Variants in NFATC3 observed in about 807,000 individuals in gnomAD.
NFATC3 encodes the protein nuclear factor of activated T-cells, cytoplasmic 3.
Under a neutral mutation model 98.6 loss-of-function variants are expected in NFATC3, and 46 were observed. That is an observed-to-expected ratio of 0.47 (90% confidence interval 0.37 to 0.60). The LOEUF (loss-of-function observed/expected upper bound fraction) is 0.60. Ranked by LOEUF, NFATC3 falls within the 20% of genes least tolerant of loss-of-function variation. NFATC3 has a pLI of 0.00. For synonymous variants in NFATC3, 512 were observed against 472.2 expected, an observed-to-expected ratio of 1.08 and a Z score of -1.09; for missense variants, 1,256 against 1,295.5, an observed-to-expected ratio of 0.97 and a Z score of 0.47.
chr16:68,145,027 A>G (rs959419441), intron 3 of NFATC3, among the ~76,000 whole-genome samples: 10 of 151,988 alleles, frequency 6.6e-5, no homozygotes, highest in Admixed American at 5.9e-4. Flanking sequence ...AGGCTGGTCT[A>G]CAACTCCTAG....
At chr16:68,097,253 T>G (rs1020000282) in intron 1 of NFATC3, among the ~76,000 whole-genome samples, 6 of 152,236 alleles carry the variant, frequency 3.9e-5, no homozygotes, top group Non-Finnish European at 7.3e-5. Flanking sequence ...GAAATAGTGG[T>G]GAACAAGACA....
chr16:68,149,717 T>TA (rs1408339171), intron 3 of NFATC3, among the ~76,000 whole-genome samples: 2 of 152,218 alleles, frequency 1.3e-5, no homozygotes, highest in Non-Finnish European at 2.9e-5. Context: ...GAATTGGTGA[T>TA]AAATGGAAAA....
rs138670187 is a variant in NFATC3 at position 68,110,236 on chromosome 16, C to A, written c.104-11751C>A. 5.5e-3 allele frequency among the ~76,000 whole-genome samples: 837 copies of A among 151,732 alleles called. 13 individuals carry two copies. Among genetic ancestry groups the A allele is most frequent in the African/African-American group, 0.019 (797 of 41,336 alleles). On this transcript the variant is annotated intron_variant, in intron 1 of 9. Coordinates refer to ENST00000346183, the MANE Select transcript of NFATC3 (RefSeq NM_173165.3). Reference sequence around the variant, plus strand: ...GCCAGGCTGGTCTTGAGCTCCTGACCTCAAGTGATCTGCCTGCCTTGGCCT... The same window carrying A: ...GCCAGGCTGGTCTTGAGCTCCTGACATCAAGTGATCTGCCTGCCTTGGCCT...
chr16:68,194,389 C>T (rs982200264), intron 9 of NFATC3, among the ~76,000 whole-genome samples: 24 of 152,224 alleles, frequency 1.6e-4, no homozygotes, highest in African/African-American at 5.5e-4. Flanking sequence ...TACTTGAGCA[C>T]TCTGGTATTT....
At chr16:68,164,664 G>T (rs1238413489) in intron 4 of NFATC3, among the ~76,000 whole-genome samples, 3 of 152,076 alleles carry the variant, frequency 2.0e-5, no homozygotes, top group African/African-American at 2.4e-5. Flanking sequence ...CGGATCACGA[G>T]ATCAGGAGAT....
rs1175887459 is a variant in NFATC3 at position 68,111,246 on chromosome 16, T to C, written c.104-10741T>C. ...GGTGTTAAGTCTCCCACTATTGTTG[T>C]GTGGGAGTCTAAGTCTCTTTGTAGG... On this transcript the variant is annotated intron_variant, in intron 1 of 9. Transcript: ENST00000346183. Among the ~76,000 whole-genome samples, 6 of 152,236 alleles carry C rather than the reference T, an allele frequency of 3.9e-5. No homozygotes were observed. In the East Asian group the frequency reaches 1.2e-3, roughly 29 times the overall value.
chr16:68,200,316 G>A (rs2040860590), intron 9 of NFATC3: 1 of 152,036 alleles, frequency 6.6e-6, no homozygotes, highest in African/African-American at 2.4e-5. Context: ...AGTATGGCCT[G>A]AGGTCAGGGG....
chr16:68,134,333 T>C (rs183215347), intron 3 of NFATC3, among the ~76,000 whole-genome samples: 2 of 152,230 alleles, frequency 1.3e-5, no homozygotes, highest in East Asian at 3.9e-4. Context: ...GGCTAATTTT[T>C]TAAATCTTTC....
intron 5 of NFATC3, among the ~76,000 whole-genome samples, chr16:68,170,584 C>A (rs943639841): frequency 6.6e-6 from 1 of 150,920 alleles, no homozygotes; most frequent in East Asian, 2.0e-4. Flanking sequence ...CCCCTGCCTC[C>A]CAGGTTCAAG....
chr16:68,162,434 G>C (rs528837333), intron 4 of NFATC3, among the ~76,000 whole-genome samples: 11 of 152,068 alleles, frequency 7.2e-5, no homozygotes, highest in Non-Finnish European at 1.6e-4. Context: ...TGATAGATAA[G>C]ACCATGGTTC....
At position 68,202,947 on chromosome 16, in the gene NFATC3, C is replaced by T. The variant is rs1477517149; in HGVS notation, c.3106+11172C>T. 2.6e-5 allele frequency among the ~76,000 whole-genome samples: 4 copies of T among 152,160 alleles called. No homozygotes were observed. The East Asian group carries it at 7.7e-4, about 29-fold the overall frequency. On this transcript the variant is annotated intron_variant, in intron 9 of 9. Coordinates refer to ENST00000346183, the MANE Select transcript of NFATC3 (RefSeq NM_173165.3). ...CTGGAGTGGAGGGAGGTAGATAATGCTGAAATTTCTCTTTTAACTTGGACA... is the reference window on the plus strand; with the variant it reads ...CTGGAGTGGAGGGAGGTAGATAATGTTGAAATTTCTCTTTTAACTTGGACA...
At chr16:68,153,656 C>T (rs2038459246) in intron 3 of NFATC3, among the ~76,000 whole-genome samples, 1 of 152,100 alleles carries the variant, frequency 6.6e-6, no homozygotes, top group African/African-American at 2.4e-5. Context: ...CTCTGTCGCC[C>T]AAGCTGGAGT....
chr16:68,190,609 G>A (rs1217511883), intron 8 of NFATC3, among the ~76,000 whole-genome samples, 159 bp from the exon 9 acceptor site: 2 of 151,976 alleles, frequency 1.3e-5, no homozygotes, highest in African/African-American at 2.4e-5. Context: ...ATGTCTACAC[G>A]TACACACAGA....
At chr16:68,219,435 GC>G (rs1449951696) in intron 9 of NFATC3, among the ~76,000 whole-genome samples, 4 of 152,062 alleles carry the variant, frequency 2.6e-5, no homozygotes, top group African/African-American at 9.7e-5. Flanking sequence ...GGTGGCACAT[GC>G]CTGTAGTCCC....
At chr16:68,138,633 A>C in intron 3 of NFATC3, 1 of 1,289,072 alleles carries the variant, frequency 7.8e-7, no homozygotes, top group Non-Finnish European at 1.0e-6. Context: ...GGAAATTACT[A>C]TCAATCATCA....
At chr16:68,124,087 A>C (rs528636682) in intron 2 of NFATC3, among the ~76,000 whole-genome samples, 2 of 151,968 alleles carry the variant, frequency 1.3e-5, no homozygotes, top group East Asian at 1.9e-4. Context: ...AAATTCCCAC[A>C]TGGAGTTGTG....
intron 9 of NFATC3, among the ~76,000 whole-genome samples, chr16:68,197,057 A>G (rs2040707746): frequency 6.6e-6 from 1 of 151,972 alleles, no homozygotes; most frequent in Non-Finnish European, 1.5e-5. Flanking sequence ...AAATAAATAA[A>G]TAAAAACCCA....
rs914907865 is a variant in NFATC3, at chr16:68,122,489, A to G, written c.606A>G (p.Arg202=). The G allele has an allele frequency of 1.1e-5, 18 of 1,614,002 alleles. No homozygotes were observed. Among genetic ancestry groups the G allele is most frequent in the Non-Finnish European group, 1.4e-5 (17 of 1,180,010 alleles). Residue 202 remains arginine (R), a synonymous_variant, in exon 2 of 10, where the codon CGA becomes CGG. Coordinates refer to ENST00000346183, the MANE Select transcript of NFATC3 (RefSeq NM_173165.3). ...CAGAGTTGAATGAAGCTGCAGCCCG[A>G]TTTACCCTTGGATCCCCTCTGACTT... ...VDSELNEAAA[R]FTLGSPLTSP...
At chr16:68,087,160 C>T (rs1482177063) in intron 1 of NFATC3, among the ~76,000 whole-genome samples, 1 of 152,128 alleles carries the variant, frequency 6.6e-6, no homozygotes, top group South Asian at 2.1e-4. Context: ...GAAAGAAAAA[C>T]AGCTTGTTTG....
Sources: gnomAD v4.1 joint callset for allele counts (sites outside exome capture counted in the v4.1 genomes callset) on GRCh38, gnomAD v4.1.1 for gene constraint, MANE v1.5 for transcripts, NCBI Gene and HGNC (gene_info 2026-07-23, HGNC 2026-07-21) for gene names.